Variants in NRXN1 observed in about 807,000 individuals in gnomAD.
NRXN1 encodes neurexin 1.
NRXN1 carries 39 observed loss-of-function variants against 150.9 expected under a neutral mutation model. The observed-to-expected ratio is 0.26, with a 90% CI of 0.20 to 0.34. The LOEUF is 0.34. Among genes scored for constraint, NRXN1 ranks in the 10% least tolerant of loss-of-function variants. NRXN1 has a pLI of 1.00. For missense variants in NRXN1, 1,815 were observed against 1,949.9 expected (o/e 0.93, Z 1.30); for synonymous variants, 924 against 757.0 (o/e 1.22, Z -3.62).
intron 5 of NRXN1, chr2:50,919,866 C>T (rs576225215): frequency 2.2e-5 from 4 of 178,946 alleles, no homozygotes; most frequent in East Asian, 3.6e-4. Flanking sequence ...CACTTTGTAC[C>T]AGTCTCACAG....
At chr2:50,350,096 G>A (rs1233952522) in intron 17 of NRXN1, among the ~76,000 whole-genome samples, 1 of 152,006 alleles carries the variant, frequency 6.6e-6, no homozygotes, top group Non-Finnish European at 1.5e-5. Flanking sequence ...GGAAATACAG[G>A]GCTATGTTCC....
At chr2:50,307,078 G>A (rs1195903321) in intron 17 of NRXN1, among the ~76,000 whole-genome samples, 4 of 151,872 alleles carry the variant, frequency 2.6e-5, no homozygotes, top group East Asian at 1.9e-4. Context: ...TCTGCCTCCC[G>A]GGTTCAAGCA....
chr2:50,820,505 A>C (rs1176581502), intron 5 of NRXN1, among the ~76,000 whole-genome samples: 2 of 152,128 alleles, frequency 1.3e-5, no homozygotes, highest in East Asian at 3.8e-4. Flanking sequence ...CACTTTTTCA[A>C]TGATTTATTT....
chr2:50,323,416 G>C (rs951331635), intron 17 of NRXN1, among the ~76,000 whole-genome samples: 1 of 152,050 alleles, frequency 6.6e-6, no homozygotes, highest in Admixed American at 6.5e-5. Flanking sequence ...CTCCCACTAT[G>C]AGACTAGAAC....
At chr2:50,273,035 T>A (rs1428426883) in intron 17 of NRXN1, among the ~76,000 whole-genome samples, 2 of 152,116 alleles carry the variant, frequency 1.3e-5, no homozygotes, top group African/African-American at 4.8e-5. Flanking sequence ...ATAAAAATTT[T>A]AAAAGAAGTG....
At chr2:50,150,079 G>C in intron 18 of NRXN1, among the ~76,000 whole-genome samples, 1 of 151,484 alleles carries the variant, frequency 6.6e-6, no homozygotes, top group South Asian at 2.1e-4. Flanking sequence ...ATTACTCCTG[G>C]GGAAATAGAT....
intron 8 of NRXN1, among the ~76,000 whole-genome samples, chr2:50,611,056 A>G (rs1678035119): frequency 6.7e-6 from 1 of 149,794 alleles, no homozygotes; most frequent in South Asian, 2.2e-4. Flanking sequence ...CCCATACTAG[A>G]TAGTTTTAAT....
chr2:49,940,115 G>A (rs144303169), intron 22 of NRXN1, among the ~76,000 whole-genome samples: 151 of 152,166 alleles, frequency 9.9e-4, no homozygotes, highest in African/African-American at 3.6e-3. Context: ...GTGGGGGAGG[G>A]TCAGAGTGAT....
intron 2 of NRXN1, among the ~76,000 whole-genome samples, chr2:50,974,066 C>G (rs1324114261): frequency 6.6e-6 from 1 of 152,084 alleles, no homozygotes; most frequent in African/African-American, 2.4e-5. Flanking sequence ...GTGCGTTCTA[C>G]TCTAAGTGAT....
At chr2:50,240,206 C>G (rs1055233792) in intron 17 of NRXN1, among the ~76,000 whole-genome samples, 1 of 151,496 alleles carries the variant, frequency 6.6e-6, no homozygotes, top group African/African-American at 2.4e-5. Context: ...CAAAACAAAG[C>G]AAAAAAATCG....
chr2:50,738,500 G>A (rs1699042976), intron 5 of NRXN1, among the ~76,000 whole-genome samples: 1 of 152,122 alleles, frequency 6.6e-6, no homozygotes, highest in Admixed American at 6.6e-5. Flanking sequence ...CAGTATGGAA[G>A]CTGTGATTTC....
intron 18 of NRXN1, among the ~76,000 whole-genome samples, chr2:50,096,912 T>C (rs1700302182): frequency 6.6e-6 from 1 of 152,222 alleles, no homozygotes; most frequent in Non-Finnish European, 1.5e-5. Flanking sequence ...ATGTTTTAAC[T>C]AAGATTAAGA....
At chr2:50,719,807 C>T (rs1696397951) in intron 5 of NRXN1, among the ~76,000 whole-genome samples, 1 of 152,190 alleles carries the variant, frequency 6.6e-6, no homozygotes, top group Non-Finnish European at 1.5e-5. Context: ...TTATCTCTCT[C>T]ATCCTGAAAG....
chr2:49,924,373 G>C (rs1167711678), intron 22 of NRXN1, among the ~76,000 whole-genome samples: 1 of 152,040 alleles, frequency 6.6e-6, no homozygotes, highest in East Asian at 1.9e-4. Context: ...TTAATGGAGT[G>C]GAGGGTTTAT....
chr2:50,386,756 G>A (rs4971670), intron 17 of NRXN1, among the ~76,000 whole-genome samples: 19,108 of 152,128 alleles, frequency 0.13, 2,004 homozygotes, highest in East Asian at 0.36. Flanking sequence ...AGTGTGATCT[G>A]TGTAGTGAGA....
chr2:50,085,211 C>A (rs1698610944), intron 19 of NRXN1, among the ~76,000 whole-genome samples: 1 of 151,896 alleles, frequency 6.6e-6, no homozygotes, highest in African/African-American at 2.4e-5. Context: ...TAAAAACCAC[C>A]AGAAAAAAAA....
chr2:50,674,894 G>A (rs1689336234), intron 5 of NRXN1, among the ~76,000 whole-genome samples: 1 of 152,056 alleles, frequency 6.6e-6, no homozygotes. Flanking sequence ...TGGTTTGGAT[G>A]TGTGTCCCCT....
chr2:50,417,349 A>C (rs2083618752), intron 17 of NRXN1: 1 of 152,146 alleles, frequency 6.6e-6, no homozygotes, highest in African/African-American at 2.4e-5. Flanking sequence ...TTGGGTACAG[A>C]ATAAAAGGGG....
At chr2:50,468,734 G>C (rs901453842) in intron 16 of NRXN1, among the ~76,000 whole-genome samples, 3 of 151,270 alleles carry the variant, frequency 2.0e-5, no homozygotes, top group African/African-American at 7.3e-5. Context: ...TACTAGGTGT[G>C]GGACTTTAGG....
Sources: gnomAD v4.1 joint callset for allele counts (sites outside exome capture counted in the v4.1 genomes callset) on GRCh38, gnomAD v4.1.1 for gene constraint, MANE v1.5 for transcripts, NCBI Gene and HGNC (gene_info 2026-07-23, HGNC 2026-07-21) for gene names.